BPHL: variants seen among roughly 807,000 people sequenced by gnomAD.
BPHL encodes biphenyl hydrolase like, also known as serine hydrolase BPHL.
Under a neutral mutation model 31.2 loss-of-function variants are expected in BPHL, and 27 were observed. The observed-to-expected ratio is 0.87, with a 90% CI of 0.64 to 1.19. BPHL has a LOEUF of 1.19. Ranked by LOEUF, BPHL falls within the 50% of genes most tolerant of loss-of-function variation. The pLI, the probability that BPHL is intolerant of heterozygous loss-of-function variation, is 0.00. For synonymous variants in BPHL, 150 were observed against 146.8 expected (o/e 1.02, Z -0.16); for missense variants, 356 against 375.7 (o/e 0.95, Z 0.43).
intron 6 of BPHL, among the ~76,000 whole-genome samples, chr6:3,143,563 C>T (rs971566585): frequency 1.3e-5 from 2 of 152,180 alleles, no homozygotes; most frequent in East Asian, 1.9e-4. Context: ...GTCTGAGATA[C>T]GAAACACACT....
intron 1 of BPHL, chr6:3,119,201 C>A: frequency 3.9e-6 from 5 of 1,293,432 alleles, no homozygotes; most frequent in Middle Eastern, 2.2e-4. Flanking sequence ...GACTAGAATC[C>A]CAACGCCCTC....
chr6:3,127,876 G>A (rs1016503356), intron 3 of BPHL, among the ~76,000 whole-genome samples: 6 of 151,122 alleles, frequency 4.0e-5, no homozygotes, highest in South Asian at 4.2e-4. Flanking sequence ...GCTGGAGTGC[G>A]GTGGCGCAAT....
intron 1 of BPHL, chr6:3,119,207 C>T (rs1761489224): frequency 4.5e-6 from 6 of 1,322,784 alleles, no homozygotes; most frequent in Middle Eastern, 2.1e-4. Context: ...AATCCCAACG[C>T]CCTCATTAGT....
Position 3,152,725 on chromosome 6 carries a change from G to A in BPHL, c.*150G>A. The A allele has an allele frequency of 1.5e-6, 1 of 659,242 alleles. No individual in the cohort carries two copies. The highest frequency in any genetic ancestry group is 2.5e-6 in the Non-Finnish European group (1 of 403,826). 40.8% of individuals were successfully genotyped at this position (659,242 alleles called of 1,614,324 possible). A position where few individuals can be genotyped will look rare whatever the true frequency, so the allele number is the denominator to read the frequency against. ...AACCAAATGAGAATAATGACATATT[G>A]AAAACAGCCTCTAGCTTCAGGCTGG... On this transcript the variant is annotated 3_prime_UTR_variant, in exon 7 of 7. Transcript: ENST00000380379.
At chr6:3,143,810 T>C (rs550121452) in intron 6 of BPHL, among the ~76,000 whole-genome samples, 1 of 152,352 alleles carries the variant, frequency 6.6e-6, no homozygotes, top group Non-Finnish European at 1.5e-5. Flanking sequence ...CCCATCACAG[T>C]GCTTCTGAGG....
At chr6:3,141,712 A>G (rs774292379) in intron 6 of BPHL, among the ~76,000 whole-genome samples, 1 of 152,022 alleles carries the variant, frequency 6.6e-6, no homozygotes, top group Non-Finnish European at 1.5e-5. Context: ...AGTGGCTCAC[A>G]CCTGTAATTG....
intron 3 of BPHL, among the ~76,000 whole-genome samples, chr6:3,128,083 T>G (rs1451761414): frequency 1.3e-5 from 2 of 152,192 alleles, no homozygotes. Flanking sequence ...CCTCCCAAAG[T>G]GCTGGGATTA....
At chr6:3,136,195 A>G (rs1176447462) in intron 4 of BPHL, among the ~76,000 whole-genome samples, 1 of 152,206 alleles carries the variant, frequency 6.6e-6, no homozygotes, top group Admixed American at 6.5e-5. Context: ...TACGGCCAAA[A>G]GTAGAAGCAT....
intron 6 of BPHL, among the ~76,000 whole-genome samples, chr6:3,146,407 G>A (rs1235595841): frequency 1.5e-5 from 2 of 137,540 alleles, no homozygotes; most frequent in African/African-American, 5.8e-5. Context: ...CGGAGTGCTG[G>A]TTTGGGTTGA....
chr6:3,119,337 C>T (rs1761494653), intron 1 of BPHL: 6 of 1,555,256 alleles, frequency 3.9e-6, no homozygotes, highest in Non-Finnish European at 1.7e-6. Context: ...GTCCCGAGAG[C>T]CCTAAGTCTT....
chr6:3,148,970 T>C (rs1300516239), intron 6 of BPHL, among the ~76,000 whole-genome samples: 1 of 152,236 alleles, frequency 6.6e-6, no homozygotes, highest in Non-Finnish European at 1.5e-5. Context: ...ATTCTGCACA[T>C]TGTAAAGTGC....
chr6:3,126,000 A>C (rs989010009), intron 2 of BPHL, among the ~76,000 whole-genome samples: 2 of 152,152 alleles, frequency 1.3e-5, no homozygotes, highest in Admixed American at 6.5e-5. Flanking sequence ...TGCACTGTGC[A>C]CAGTAGGTGT....
intron 4 of BPHL, among the ~76,000 whole-genome samples, chr6:3,130,295 A>G (rs1761837548): frequency 6.6e-6 from 1 of 152,064 alleles, no homozygotes; most frequent in East Asian, 1.9e-4. Context: ...GGTGGTCACT[A>G]CACAGGGGTG....
At chr6:3,122,647 G>A (rs1761607390) in intron 1 of BPHL, among the ~76,000 whole-genome samples, 1 of 152,130 alleles carries the variant, frequency 6.6e-6, no homozygotes, top group Non-Finnish European at 1.5e-5. Context: ...CCAGTTAGAT[G>A]CTGGATCCTA....
chr6:3,143,074 C>T (rs1237936081), intron 6 of BPHL, among the ~76,000 whole-genome samples: 3 of 152,204 alleles, frequency 2.0e-5, no homozygotes, highest in Middle Eastern at 6.8e-3. Context: ...CAAAAATTAG[C>T]CAGACATGGT....
intron 1 of BPHL, 110 bp downstream of exon 1, chr6:3,118,957 G>A (rs1761474368): frequency 2.1e-6 from 2 of 945,532 alleles, no homozygotes; most frequent in East Asian, 6.8e-5. Flanking sequence ...CACGGGGCGT[G>A]GGCGCGGCCT....
intron 4 of BPHL, among the ~76,000 whole-genome samples, chr6:3,131,900 G>C (rs78782346): frequency 2.3e-3 from 353 of 152,278 alleles, no homozygotes; most frequent in African/African-American, 8.0e-3. Context: ...CCTGAGACCT[G>C]GCGGTGCTCT....
chr6:3,137,252 A>C, intron 4 of BPHL, 110 bp from the exon 5 acceptor site: 1 of 1,377,050 alleles, frequency 7.3e-7, no homozygotes, highest in Non-Finnish European at 9.9e-7. Context: ...CATTCCAGGC[A>C]GACGAGACAG....
intron 6 of BPHL, among the ~76,000 whole-genome samples, chr6:3,147,141 G>A (rs1482568492): frequency 6.6e-6 from 1 of 152,106 alleles, no homozygotes; most frequent in African/African-American, 2.4e-5. Flanking sequence ...TGCACCTGTA[G>A]TCCAAGCTAC....
Sources: allele counts gnomAD v4.1 joint callset (sites outside exome capture counted in the v4.1 genomes callset), GRCh38; gene constraint gnomAD v4.1.1; transcripts MANE v1.5; gene names NCBI Gene and HGNC (gene_info 2026-07-23, HGNC 2026-07-21).